Variants in PYHIN1 observed in about 807,000 individuals in gnomAD.
PYHIN1 encodes the protein pyrin and HIN domain family member 1.
Under a neutral mutation model 43.7 loss-of-function variants are expected in PYHIN1, and 32 were observed. The ratio of observed to expected loss-of-function variants is 0.73; its 90% CI spans 0.55 to 0.98. The LOEUF is 0.98. Among genes scored for constraint, PYHIN1 ranks in the 50% least tolerant of loss-of-function variants. The pLI is 0.00. For missense variants in PYHIN1, 588 were observed against 589.5 expected, an observed-to-expected ratio of 1.00 and a Z score of 0.03; for synonymous variants, 205 against 203.1, an observed-to-expected ratio of 1.01 and a Z score of -0.08.
At chr1:158,948,407 A>C (rs1649341440) in intron 7 of PYHIN1, among the ~76,000 whole-genome samples, 1 of 152,200 alleles carries the variant, frequency 6.6e-6, no homozygotes, top group Admixed American at 6.5e-5. Flanking sequence ...GTTTCACCTC[A>C]TTCCAACCAT....
chr1:158,937,813 G>T (rs1331555224), intron 2 of PYHIN1, among the ~76,000 whole-genome samples: 3 of 152,060 alleles, frequency 2.0e-5, no homozygotes, highest in Non-Finnish European at 4.4e-5. Flanking sequence ...AGGCGTGGTG[G>T]CAGGCACCTG....
At chr1:158,971,850 G>A (rs754270334) in intron 7 of PYHIN1, among the ~76,000 whole-genome samples, 14 of 151,918 alleles carry the variant, frequency 9.2e-5, no homozygotes, top group Non-Finnish European at 2.1e-4. Flanking sequence ...CAGAATTTCA[G>A]TCAATAAAAC....
In PYHIN1 at chr1:158,944,936, A is replaced by G; in HGVS notation, c.1253A>G (p.Gln418Arg). 1 of 1,613,884 alleles carries G rather than the reference A, an allele frequency of 6.2e-7. No individual in the cohort carries two copies. The highest frequency in any genetic ancestry group is 8.5e-7 in the Non-Finnish European group (1 of 1,179,828). The change falls in exon 7 of 9, where the codon CAG becomes CGG. Residue 418 changes from glutamine (Q) to arginine (R), a missense_variant. Coordinates refer to ENST00000368140, the MANE Select transcript of PYHIN1 (RefSeq NM_152501.5). ...AGGAGCATGGCACTACCCCAGGAAC[A>G]GAGTCAGCATCCAAAACCTTCAGAG... ...DSRSMALPQE[Q>R]SQHPKPSEAS...
At chr1:158,987,607 C>T in the PYHIN1 span, among the ~76,000 whole-genome samples, 2 of 152,026 alleles carry the variant, frequency 1.3e-5, no homozygotes, top group East Asian at 3.9e-4. Flanking sequence ...AATCTATTGC[C>T]AAATCCAAGG....
At position 158,940,929 on chromosome 1, in the gene PYHIN1, T is replaced by C. The variant is rs181996595; in HGVS notation, c.580-1048T>C. ...TATTATGTCTCTCTGAGCAGTTATA[T>C]GATCCCCTTCATGCAGGTCTTGTAT... On this transcript the variant is annotated intron_variant, in intron 4 of 8. Transcript: ENST00000368140. Among the ~76,000 whole-genome samples, 5 of 152,372 alleles carry C rather than the reference T, an allele frequency of 3.3e-5. No individual in the cohort carries two copies. In the East Asian group the frequency reaches 7.7e-4, roughly 23 times the overall value.
chr1:158,965,818 A>G (rs1444363895), intron 7 of PYHIN1, among the ~76,000 whole-genome samples: 2 of 152,166 alleles, frequency 1.3e-5, no homozygotes, highest in Admixed American at 1.3e-4. Flanking sequence ...CCAACATCAC[A>G]ACTAGAAGAA....
intron 7 of PYHIN1, among the ~76,000 whole-genome samples, chr1:158,965,328 T>C (rs1264514069): frequency 2.6e-5 from 4 of 152,064 alleles, no homozygotes; most frequent in Admixed American, 1.3e-4. Context: ...ATTAGATCGA[T>C]CATTCAGGCA....
At chr1:158,939,880 G>T in intron 4 of PYHIN1, 1 of 226,886 alleles carries the variant, frequency 4.4e-6, no homozygotes, top group Non-Finnish European at 8.6e-6. Flanking sequence ...CTGTAAACGA[G>T]GGCCTAGTTC....
chr1:158,936,351 G>A (rs972648550), intron 1 of PYHIN1, among the ~76,000 whole-genome samples: 3 of 151,022 alleles, frequency 2.0e-5, no homozygotes, highest in Non-Finnish European at 4.4e-5. Flanking sequence ...GAGAATGATG[G>A]TTTCCAGCTT....
chr1:158,955,636 C>T (rs1649870529), intron 7 of PYHIN1, among the ~76,000 whole-genome samples: 1 of 122,964 alleles, frequency 8.1e-6, no homozygotes, highest in African/African-American at 3.1e-5. Context: ...ACTAAATGCC[C>T]ACAAGAGAAA....
At chr1:158,955,473 G>A (rs1365743617) in intron 7 of PYHIN1, among the ~76,000 whole-genome samples, 1 of 151,936 alleles carries the variant, frequency 6.6e-6, no homozygotes, top group Non-Finnish European at 1.5e-5. Context: ...CAACTACATG[G>A]AAACTGAACA....
the PYHIN1 span, among the ~76,000 whole-genome samples, chr1:158,988,303 A>C: frequency 6.6e-6 from 1 of 152,210 alleles, no homozygotes; most frequent in East Asian, 1.9e-4. Flanking sequence ...TGGAAGAATG[A>C]GGTATATAAT....
At chr1:158,968,328 A>C (rs1650744788) in intron 7 of PYHIN1, among the ~76,000 whole-genome samples, 1 of 152,136 alleles carries the variant, frequency 6.6e-6, no homozygotes, top group Non-Finnish European at 1.5e-5. Flanking sequence ...ACACATGGCC[A>C]ACAAACATGA....
chr1:158,957,491 A>G (rs1650016187), intron 7 of PYHIN1, among the ~76,000 whole-genome samples: 1 of 151,386 alleles, frequency 6.6e-6, no homozygotes, highest in Non-Finnish European at 1.5e-5. Context: ...CCTGAGAAAA[A>G]CAAGCAATGG....
Position 158,951,649 on chromosome 1 carries a change from T to C in PYHIN1, c.1359+6607T>C, listed in dbSNP as rs1649536904. ...TAGGTGTGTGGGGAGTGAACTACTT[T>C]TGTAGTTAAAACATTTACTAGACTT... On this transcript the variant is annotated intron_variant, in intron 7 of 8. Coordinates refer to ENST00000368140, the MANE Select transcript of PYHIN1 (RefSeq NM_152501.5). 3.3e-5 allele frequency among the ~76,000 whole-genome samples: 5 copies of C among 152,248 alleles called. No homozygotes were observed. In the South Asian group the frequency reaches 8.3e-4, roughly 25 times the overall value.
intron 7 of PYHIN1, among the ~76,000 whole-genome samples, chr1:158,948,984 G>A (rs1181452859): frequency 6.6e-6 from 1 of 152,180 alleles, no homozygotes; most frequent in Non-Finnish European, 1.5e-5. Context: ...GAAAACATAT[G>A]GATGGGGAGT....
Position 158,976,978 on chromosome 1 carries a change from T to C in PYHIN1, c.*283T>C, listed in dbSNP as rs1246452754. 4.6e-6 allele frequency: 1 copy of C among 219,200 alleles called. No individual in the cohort carries two copies. Among genetic ancestry groups the C allele is most frequent in the Non-Finnish European group, 8.6e-6 (1 of 115,798 alleles). The allele number at this position is 219,200 out of a possible 1,614,324, so 13.6% of individuals were successfully genotyped here. A position where few individuals can be genotyped will look rare whatever the true frequency, so the allele number is the denominator to read the frequency against. The stretch of plus-strand genomic sequence containing the variant: ...GCATTTTATTTCATTAGTTTTACTT[T>C]TATGCATTTTCTTCATATCATATTT... On this transcript the variant is annotated 3_prime_UTR_variant, in exon 9 of 9. Transcript: ENST00000368140.
chr1:158,974,216 C>T (rs1434873267), intron 8 of PYHIN1, among the ~76,000 whole-genome samples: 1 of 152,006 alleles, frequency 6.6e-6, no homozygotes, highest in Non-Finnish European at 1.5e-5. Context: ...CCCTTACTCT[C>T]ATCTCTTCAT....
At chr1:158,939,329 G>C in intron 4 of PYHIN1, 82 bp downstream of exon 4, 1 of 1,587,036 alleles carries the variant, frequency 6.3e-7, no homozygotes, top group Admixed American at 1.7e-5. Flanking sequence ...ACTGAAAAAT[G>C]ACATCAATCA....
Sources: gnomAD v4.1 joint callset for allele counts (sites outside exome capture counted in the v4.1 genomes callset) on GRCh38, gnomAD v4.1.1 for gene constraint, MANE v1.5 for transcripts, NCBI Gene and HGNC (gene_info 2026-07-23, HGNC 2026-07-21) for gene names.